The following LSAMP variants were observed in gnomAD, a reference collection of about 807,000 sequenced individuals.
LSAMP encodes the protein limbic system associated membrane protein, also known as limbic system-associated membrane protein.
A neutral mutation model predicts 38.6 loss-of-function variants in LSAMP; 7 were observed. The observed-to-expected ratio is 0.18, with a 90% confidence interval of 0.10 to 0.34. The LOEUF is 0.34. Among genes scored for constraint, LSAMP ranks in the 10% least tolerant of loss-of-function variants. The probability of loss-of-function intolerance (pLI) is 1.00; values close to 1 mark genes in which losing one functional copy is unlikely to be tolerated. For synonymous variants in LSAMP, 154 were observed against 166.8 expected, an observed-to-expected ratio of 0.92 and a Z score of 0.59; for missense variants, 313 against 420.0, an observed-to-expected ratio of 0.75 and a Z score of 2.23.
chr3:116,392,063 C>A (rs541184275), intron 1 of LSAMP, among the ~76,000 whole-genome samples: 2 of 152,290 alleles, frequency 1.3e-5, no homozygotes, highest in South Asian at 4.1e-4. Flanking sequence ...AAAGAAATTG[C>A]GGAGATATCA....
At chr3:116,155,386 G>A (rs1576397971) in intron 1 of LSAMP, among the ~76,000 whole-genome samples, 1 of 151,788 alleles carries the variant, frequency 6.6e-6, no homozygotes, top group Non-Finnish European at 1.5e-5. Context: ...CACCATGCCT[G>A]GCTAATTTTT....
At chr3:116,273,988 C>CCTAT (rs1389480302) in intron 1 of LSAMP, among the ~76,000 whole-genome samples, 1 of 151,750 alleles carries the variant, frequency 6.6e-6, no homozygotes, top group African/African-American at 2.4e-5. Context: ...TCCACTGCTT[C>CCTAT]CTATCTGTTA....
chr3:115,938,052 T>C (rs1937770303), intron 3 of LSAMP, among the ~76,000 whole-genome samples: 1 of 152,216 alleles, frequency 6.6e-6, no homozygotes, highest in Non-Finnish European at 1.5e-5. Flanking sequence ...TACTCTTGTA[T>C]TGAATGTGGG....
At chr3:115,823,886 G>C (rs2107470600) in intron 6 of LSAMP, among the ~76,000 whole-genome samples, 1 of 152,296 alleles carries the variant, frequency 6.6e-6, no homozygotes, top group East Asian at 1.9e-4. Context: ...ACTGACCAGA[G>C]GCTTGATGTA....
At position 116,045,560 on chromosome 3, in the gene LSAMP, A is replaced by AG. The variant is rs1046853480; in HGVS notation, c.389-25921_389-25920insC. Among the ~76,000 whole-genome samples, 1,209 of 151,460 alleles carry AG rather than the reference A, an allele frequency of 8.0e-3. 17 individuals carry two copies. Among genetic ancestry groups the AG allele is most frequent in the African/African-American group, 0.027 (1,112 of 41,270 alleles). Reference sequence around the variant, plus strand: ...AGGTGGTAAAAAAAAAAAAAAAAAAAAAGCCTAAAATGGCTGATTAGGTCA... The same window carrying AG: ...AGGTGGTAAAAAAAAAAAAAAAAAAAGAAGCCTAAAATGGCTGATTAGGTCA... On this transcript the variant is annotated intron_variant, in intron 2 of 6. Coordinates refer to ENST00000490035, the MANE Select transcript of LSAMP (RefSeq NM_002338.5).
At chr3:116,346,184 T>C (rs1237887844) in intron 1 of LSAMP, among the ~76,000 whole-genome samples, 4 of 152,168 alleles carry the variant, frequency 2.6e-5, no homozygotes, top group Non-Finnish European at 4.4e-5. Context: ...ATATCTCCAT[T>C]TCAAGAAGAT....
intron 1 of LSAMP, among the ~76,000 whole-genome samples, chr3:116,157,855 T>C (rs894529318): frequency 1.3e-5 from 2 of 151,888 alleles, no homozygotes; most frequent in Non-Finnish European, 2.9e-5. Flanking sequence ...ACTCATAGAA[T>C]GAGACCAGAA....
chr3:115,989,256 G>A (rs1236217789), intron 3 of LSAMP, among the ~76,000 whole-genome samples: 3 of 152,014 alleles, frequency 2.0e-5, no homozygotes, highest in Non-Finnish European at 4.4e-5. Flanking sequence ...TCTGTTCCAA[G>A]GAAATATCAA....
intron 1 of LSAMP, among the ~76,000 whole-genome samples, chr3:116,292,643 T>C (rs952627609): frequency 6.6e-6 from 1 of 152,198 alleles, no homozygotes; most frequent in East Asian, 1.9e-4. Context: ...AGATCTTTTG[T>C]TCAACTCAGT....
chr3:116,011,905 C>A (rs1576305994), intron 3 of LSAMP, among the ~76,000 whole-genome samples: 1 of 152,262 alleles, frequency 6.6e-6, no homozygotes, highest in East Asian at 1.9e-4. Context: ...ATTCATGAGA[C>A]CTGAGATTGT....
intron 1 of LSAMP, among the ~76,000 whole-genome samples, chr3:116,397,142 T>G (rs2048779353): frequency 6.6e-6 from 1 of 152,134 alleles, no homozygotes; most frequent in African/African-American, 2.4e-5. Context: ...TAATTGTAAG[T>G]CTTAATAGGA....
chr3:116,015,027 A>T (rs541668064), intron 3 of LSAMP, among the ~76,000 whole-genome samples: 1 of 152,312 alleles, frequency 6.6e-6, no homozygotes, highest in South Asian at 2.1e-4. Context: ...ATGTCCAATG[A>T]GAAAATGGGA....
chr3:116,333,962 C>A (rs1356708760), intron 1 of LSAMP, among the ~76,000 whole-genome samples: 1 of 151,482 alleles, frequency 6.6e-6, no homozygotes, highest in East Asian at 1.9e-4. Context: ...AAAATGTGTT[C>A]TTTGAGAAGG....
At chr3:115,985,883 C>T (rs572352431) in intron 3 of LSAMP, among the ~76,000 whole-genome samples, 4 of 152,130 alleles carry the variant, frequency 2.6e-5, no homozygotes, top group African/African-American at 9.7e-5. Context: ...GCAGAGCCAC[C>T]CAGCTAAACT....
intron 1 of LSAMP, among the ~76,000 whole-genome samples, chr3:116,427,181 C>T (rs538894746): frequency 1.4e-5 from 2 of 145,898 alleles, no homozygotes; most frequent in South Asian, 4.3e-4. Flanking sequence ...ACTGCAGTGG[C>T]GCAATCTCGG....
At chr3:116,342,584 C>T (rs2048011003) in intron 1 of LSAMP, among the ~76,000 whole-genome samples, 1 of 152,036 alleles carries the variant, frequency 6.6e-6, no homozygotes, top group South Asian at 2.1e-4. Context: ...AAATGACATT[C>T]CCTAAGCTTT....
At chr3:116,392,353 C>A (rs2048713969) in intron 1 of LSAMP, among the ~76,000 whole-genome samples, 1 of 152,226 alleles carries the variant, frequency 6.6e-6, no homozygotes, top group African/African-American at 2.4e-5. Flanking sequence ...TGCCTGGCTT[C>A]TCCCCACTGT....
At chr3:116,283,240 A>AAAGTACCTATAACTCCAGAATTTTG (rs2047151063) in intron 1 of LSAMP, among the ~76,000 whole-genome samples, 3 of 152,328 alleles carry the variant, frequency 2.0e-5, no homozygotes, top group African/African-American at 7.2e-5. Context: ...GAAAGGAGGA[A>AAAGTACCTATAACTCCAGAATTTTG]AAGTACCTAT....
chr3:116,293,012 C>A (rs1033978870), intron 1 of LSAMP, among the ~76,000 whole-genome samples: 11 of 152,196 alleles, frequency 7.2e-5, no homozygotes, highest in Non-Finnish European at 1.2e-4. Context: ...TATTTCCTTT[C>A]CATGTCATGA....
Sources: allele counts gnomAD v4.1 joint callset (sites outside exome capture counted in the v4.1 genomes callset), GRCh38; gene constraint gnomAD v4.1.1; transcripts MANE v1.5; gene names NCBI Gene and HGNC (gene_info 2026-07-23, HGNC 2026-07-21).